Variants in RGS7 observed in about 807,000 individuals in gnomAD.
RGS7 encodes regulator of G protein signaling 7, also known as regulator of G-protein signaling 7.
Under a neutral mutation model 81.1 loss-of-function variants are expected in RGS7, and 27 were observed. That is an observed-to-expected ratio of 0.33 (90% CI 0.25 to 0.46). The LOEUF (loss-of-function observed/expected upper bound fraction) is 0.46, where lower values mean the gene tolerates loss of function less well. Among genes scored for constraint, RGS7 ranks in the 20% least tolerant of loss-of-function variants. RGS7 has a pLI of 1.00. For missense variants in RGS7, 396 were observed against 607.4 expected (o/e 0.65, Z 3.66); for synonymous variants, 208 against 207.7 (o/e 1.00, Z -0.01).
chr1:240,839,530 C>T (rs1695266472), intron 9 of RGS7, among the ~76,000 whole-genome samples: 1 of 151,934 alleles, frequency 6.6e-6, no homozygotes, highest in African/African-American at 2.4e-5. Context: ...ATCATAGAAG[C>T]CAATTAAAGG....
chr1:241,035,519 G>C (rs1223869382), intron 3 of RGS7, among the ~76,000 whole-genome samples: 2 of 152,140 alleles, frequency 1.3e-5, no homozygotes, highest in African/African-American at 4.8e-5. Flanking sequence ...CTTTCTCGAT[G>C]ACATCTCTCA....
chr1:241,081,416 T>C (rs2063128334), intron 3 of RGS7, among the ~76,000 whole-genome samples: 2 of 152,264 alleles, frequency 1.3e-5, no homozygotes, highest in African/African-American at 4.8e-5. Context: ...ATGCCTGCAC[T>C]ATGTTTGCTG....
chr1:240,933,664 A>T (rs1358635508), intron 5 of RGS7, among the ~76,000 whole-genome samples: 1 of 151,988 alleles, frequency 6.6e-6, no homozygotes, highest in East Asian at 1.9e-4. Flanking sequence ...TTGATTTTTC[A>T]ATATTGGCTT....
chr1:240,869,967 A>G (rs1294576514), intron 7 of RGS7, 88 bp downstream of exon 7: 1 of 1,056,192 alleles, frequency 9.5e-7, no homozygotes, highest in East Asian at 2.4e-5. Flanking sequence ...TCCATGAATG[A>G]AGAGTTAACA....
intron 2 of RGS7, among the ~76,000 whole-genome samples, chr1:241,187,843 T>C (rs2072264201): frequency 6.6e-6 from 1 of 152,186 alleles, no homozygotes; most frequent in East Asian, 1.9e-4. Context: ...CTTAATTCCA[T>C]TACTGATTTT....
chr1:241,295,758 G>A (rs2079387760), intron 2 of RGS7, among the ~76,000 whole-genome samples: 1 of 152,198 alleles, frequency 6.6e-6, no homozygotes, highest in Non-Finnish European at 1.5e-5. Context: ...AAAATTAAAT[G>A]GATTAGAGGT....
At chr1:241,284,910 G>T (rs887278362) in intron 2 of RGS7, among the ~76,000 whole-genome samples, 3 of 151,360 alleles carry the variant, frequency 2.0e-5, no homozygotes, top group African/African-American at 7.3e-5. Flanking sequence ...TCCCTCTGTC[G>T]CCCAGGCTGG....
chr1:241,134,522 T>C (rs2103054776), intron 2 of RGS7, among the ~76,000 whole-genome samples: 1 of 152,328 alleles, frequency 6.6e-6, no homozygotes, highest in East Asian at 1.9e-4. Flanking sequence ...GAATCTGGAC[T>C]GAATACTGAA....
At chr1:241,007,509 C>T (rs2058735640) in intron 3 of RGS7, among the ~76,000 whole-genome samples, 1 of 151,970 alleles carries the variant, frequency 6.6e-6, no homozygotes, top group Admixed American at 6.6e-5. Context: ...AGTTGGTGCC[C>T]CTAAACTCTA....
At chr1:241,242,299 T>C (rs867517305) in intron 2 of RGS7, among the ~76,000 whole-genome samples, 1 of 147,498 alleles carries the variant, frequency 6.8e-6, no homozygotes, top group Non-Finnish European at 1.5e-5. Context: ...TTCCTTTCTA[T>C]GGATGAGTAG....
chr1:241,074,653 C>A (rs992665873), intron 3 of RGS7, among the ~76,000 whole-genome samples: 1 of 152,188 alleles, frequency 6.6e-6, no homozygotes, highest in African/African-American at 2.4e-5. Context: ...AAAGTACTGG[C>A]CACAAGTCTC....
At chr1:240,824,927 A>G (rs7556332) in intron 10 of RGS7, among the ~76,000 whole-genome samples, 3,836 of 152,192 alleles carry the variant, frequency 0.025, 166 homozygotes, top group African/African-American at 0.087. Flanking sequence ...ACACGAGAAG[A>G]AGGCAGCCAT....
chr1:240,857,477 T>A (rs1437229422), intron 9 of RGS7, among the ~76,000 whole-genome samples: 1 of 152,178 alleles, frequency 6.6e-6, no homozygotes, highest in Non-Finnish European at 1.5e-5. Context: ...ACAATATGTA[T>A]CCACCATTAA....
intron 3 of RGS7, among the ~76,000 whole-genome samples, chr1:241,049,272 C>T (rs1202505272): frequency 1.3e-5 from 2 of 152,142 alleles, no homozygotes; most frequent in Non-Finnish European, 2.9e-5. Flanking sequence ...GGTTTTGGTG[C>T]CTTTTACATT....
At chr1:241,266,782 A>C (rs1431442083) in intron 2 of RGS7, among the ~76,000 whole-genome samples, 1 of 152,252 alleles carries the variant, frequency 6.6e-6, no homozygotes. Flanking sequence ...TCAGGAACCT[A>C]GTGAAGAATG....
chr1:241,064,756 GT>G (rs2061962878), intron 3 of RGS7, among the ~76,000 whole-genome samples: 1 of 151,936 alleles, frequency 6.6e-6, no homozygotes, highest in Non-Finnish European at 1.5e-5. Context: ...AGAAAAAAAA[GT>G]CAGAATCCAG....
At chr1:240,916,854 G>A (rs76754642) in intron 6 of RGS7, among the ~76,000 whole-genome samples, 2,385 of 152,200 alleles carry the variant, frequency 0.016, 60 homozygotes, top group African/African-American at 0.055. Context: ...GTTATATTTT[G>A]TTATGGTGGC....
chr1:241,356,120 G>C (rs1477526980), intron 1 of RGS7, among the ~76,000 whole-genome samples: 1 of 152,072 alleles, frequency 6.6e-6, no homozygotes, highest in Non-Finnish European at 1.5e-5. Context: ...AAAAACTCGT[G>C]GGTAGCATTT....
intron 6 of RGS7, among the ~76,000 whole-genome samples, chr1:240,905,230 T>G (rs1282293345): frequency 6.6e-6 from 1 of 152,208 alleles, no homozygotes; most frequent in Non-Finnish European, 1.5e-5. Flanking sequence ...TTATGTTCCA[T>G]GAATCCAGCA....
Sources: allele counts gnomAD v4.1 joint callset (sites outside exome capture counted in the v4.1 genomes callset), GRCh38; gene constraint gnomAD v4.1.1; transcripts MANE v1.5; gene names NCBI Gene and HGNC (gene_info 2026-07-23, HGNC 2026-07-21).